The following ACVR1 variants were observed in gnomAD, a reference collection of about 807,000 sequenced individuals.
The protein encoded by ACVR1 is activin A receptor type 1, also known as activin receptor type-1.
A neutral mutation model predicts 57.1 loss-of-function variants in ACVR1; 38 were observed. That is an observed-to-expected ratio of 0.67 (90% CI 0.51 to 0.87). ACVR1 has a LOEUF of 0.87. ACVR1 is among the 40% of genes least tolerant of loss of function. The pLI, the probability that ACVR1 is intolerant of heterozygous loss-of-function variation, is 0.00. For synonymous variants in ACVR1, 212 were observed against 228.1 expected (o/e 0.93, Z 0.63); for missense variants, 463 against 638.2 (o/e 0.73, Z 2.96).
At chr2:157,795,533 T>A (rs186071186) in intron 3 of ACVR1, among the ~76,000 whole-genome samples, 1,955 of 152,042 alleles carry the variant, frequency 0.013, 19 homozygotes, top group Non-Finnish European at 0.019. Context: ...TCCATTTTTT[T>A]AAAAAAACAG....
intron 1 of ACVR1, among the ~76,000 whole-genome samples, chr2:157,846,077 G>T (rs1308949696): frequency 6.6e-6 from 1 of 152,172 alleles, no homozygotes; most frequent in Non-Finnish European, 1.5e-5. Context: ...ATTAAATTAA[G>T]AGTTTTGAGA....
At chr2:157,848,990 CA>C (rs1485784294) in intron 1 of ACVR1, among the ~76,000 whole-genome samples, 1 of 152,118 alleles carries the variant, frequency 6.6e-6, no homozygotes, top group African/African-American at 2.4e-5. Flanking sequence ...AATAATCTGT[CA>C]TCTAATCTAG....
intron 1 of ACVR1, among the ~76,000 whole-genome samples, chr2:157,867,426 C>G (rs1689976665): frequency 6.6e-6 from 1 of 152,154 alleles, no homozygotes; most frequent in Non-Finnish European, 1.5e-5. Flanking sequence ...ACAAACAAAC[C>G]TGTCAGTGCA....
At chr2:157,764,586 A>C (rs1226579158) in intron 8 of ACVR1, among the ~76,000 whole-genome samples, 1 of 152,126 alleles carries the variant, frequency 6.6e-6, no homozygotes. Flanking sequence ...CCTCTTGGCT[A>C]ACTCCCAACC....
At chr2:157,861,627 C>A (rs1173490171) in intron 1 of ACVR1, among the ~76,000 whole-genome samples, 10 of 152,218 alleles carry the variant, frequency 6.6e-5, no homozygotes, top group Non-Finnish European at 1.5e-4. Flanking sequence ...ACCACCATTT[C>A]ACCTCTAAAT....
intron 1 of ACVR1, among the ~76,000 whole-genome samples, chr2:157,825,794 C>T (rs1306166955): frequency 1.3e-5 from 2 of 152,110 alleles, no homozygotes; most frequent in African/African-American, 4.8e-5. Context: ...TGGTTCTCAG[C>T]GAAGAATCAG....
chr2:157,817,245 G>T (rs1388898909), intron 2 of ACVR1, among the ~76,000 whole-genome samples: 1 of 152,136 alleles, frequency 6.6e-6, no homozygotes, highest in Non-Finnish European at 1.5e-5. Flanking sequence ...TTAGAGGCAT[G>T]AGCCACCATG....
chr2:157,858,724 C>G (rs1194551367), intron 1 of ACVR1, among the ~76,000 whole-genome samples: 2 of 152,270 alleles, frequency 1.3e-5, no homozygotes, highest in East Asian at 1.9e-4. Context: ...CCCAGGTGAT[C>G]CGCCAGCCTC....
At chr2:157,756,194 T>C (rs1685418959) in intron 9 of ACVR1, among the ~76,000 whole-genome samples, 1 of 151,974 alleles carries the variant, frequency 6.6e-6, no homozygotes, top group South Asian at 2.1e-4. Flanking sequence ...AAATCTAAGA[T>C]CTGAAACATA....
At chr2:157,864,525 A>G (rs1689847132) in intron 1 of ACVR1, among the ~76,000 whole-genome samples, 1 of 152,192 alleles carries the variant, frequency 6.6e-6, no homozygotes, top group African/African-American at 2.4e-5. Context: ...TGGACACCAC[A>G]CTTGGCCAAA....
intron 1 of ACVR1, among the ~76,000 whole-genome samples, chr2:157,832,586 A>G (rs1187555199): frequency 6.6e-6 from 1 of 152,176 alleles, no homozygotes; most frequent in African/African-American, 2.4e-5. Context: ...GACCTTTTAT[A>G]TGAGTAACCA....
At chr2:157,863,011 CTTTTTTT>C (rs374223805) in intron 1 of ACVR1, among the ~76,000 whole-genome samples, 90 of 62,318 alleles carry the variant, frequency 1.4e-3, no homozygotes, top group African/African-American at 4.7e-3. Context: ...AGAACATTTA[CTTTTTTT>C]TTTTTTTTTT....
At chr2:157,835,770 G>C (rs529302044) in intron 1 of ACVR1, among the ~76,000 whole-genome samples, 1 of 152,330 alleles carries the variant, frequency 6.6e-6, no homozygotes, top group East Asian at 1.9e-4. Flanking sequence ...CTGTTAACCA[G>C]TAGGGTTTAC....
chr2:157,758,403 T>C (rs1393976036), intron 9 of ACVR1, among the ~76,000 whole-genome samples: 4 of 152,020 alleles, frequency 2.6e-5, no homozygotes, highest in African/African-American at 9.7e-5. Flanking sequence ...AAATACTGTA[T>C]TTTTGTTGTT....
intron 2 of ACVR1, among the ~76,000 whole-genome samples, chr2:157,801,097 T>C (rs951964032): frequency 3.3e-5 from 5 of 152,216 alleles, no homozygotes; most frequent in African/African-American, 4.8e-5. Flanking sequence ...GGGTCATTCA[T>C]TGAGCTATGG....
chr2:157,782,257 G>C (rs1437129251), intron 3 of ACVR1, among the ~76,000 whole-genome samples: 2 of 152,188 alleles, frequency 1.3e-5, no homozygotes, highest in African/African-American at 4.8e-5. Context: ...CAGACACACA[G>C]ACACAGCCTT....
At chr2:157,818,293 G>C (rs1688018823) in intron 2 of ACVR1, 92 bp downstream of exon 2, 1 of 152,204 alleles carries the variant, frequency 6.6e-6, no homozygotes, top group African/African-American at 2.4e-5. Flanking sequence ...CTCTGCCAAA[G>C]AGTATTAAAA....
chr2:157,831,714 T>C (rs934468705), intron 1 of ACVR1, among the ~76,000 whole-genome samples: 58 of 152,132 alleles, frequency 3.8e-4, no homozygotes, highest in African/African-American at 1.4e-3. Flanking sequence ...CAGGAACTGG[T>C]TTCTACCCTC....
chr2:157,766,531 G>A (rs1276025732), intron 7 of ACVR1, among the ~76,000 whole-genome samples: 3 of 152,126 alleles, frequency 2.0e-5, no homozygotes, highest in African/African-American at 7.2e-5. Flanking sequence ...TGATATTTTA[G>A]GAACAGACCA....
Sources: gnomAD v4.1 joint callset for allele counts (sites outside exome capture counted in the v4.1 genomes callset) on GRCh38, gnomAD v4.1.1 for gene constraint, MANE v1.5 for transcripts, NCBI Gene and HGNC (gene_info 2026-07-23, HGNC 2026-07-21) for gene names.